TRIB3: variants seen among roughly 807,000 people sequenced by gnomAD.
TRIB3 encodes tribbles homolog 3.
In TRIB3, 20 loss-of-function variants were observed where a neutral mutation model predicts 16.6. That is an observed-to-expected ratio of 1.20 (90% CI 0.85 to 1.75). The LOEUF (loss-of-function observed/expected upper bound fraction) is 1.75, where lower values mean the gene tolerates loss of function less well. Ranked by LOEUF, TRIB3 falls within the 40% of genes most tolerant of loss-of-function variation. The pLI, the probability that TRIB3 is intolerant of heterozygous loss-of-function variation, is 0.00. For synonymous variants in TRIB3, 208 were observed against 217.0 expected (o/e 0.96, Z 0.36); for missense variants, 484 against 488.9 (o/e 0.99, Z 0.10).
At chr20:389,179 G>A (rs968383515) in intron 2 of TRIB3, among the ~76,000 whole-genome samples, 1 of 152,178 alleles carries the variant, frequency 6.6e-6, no homozygotes, top group African/African-American at 2.4e-5. Context: ...CACAACCAAT[G>A]AGGTGGTTTC....
intron 2 of TRIB3, 34 bp from the exon 3 acceptor site, chr20:391,253 C>A (rs1265073005): frequency 2.5e-6 from 4 of 1,594,322 alleles, no homozygotes; most frequent in Non-Finnish European, 3.4e-6. Context: ...TCCCGGGAGT[C>A]CCCAGCTGTG....
At position 380,828 on chromosome 20, in the gene TRIB3, G is replaced by T. The variant is rs2122645103; in HGVS notation, c.-342G>T. On this transcript the variant is annotated 5_prime_UTR_variant, in exon 1 of 4. Coordinates refer to ENST00000217233, the MANE Select transcript of TRIB3 (RefSeq NM_021158.5). ...GGATGCAGAGGAGAGAGGCCCGGGC[G>T]CGGCGCGGGGGATGGTGCGATCCCG... 1 of 152,660 alleles carries T rather than the reference G, an allele frequency of 6.6e-6. No individual in the cohort carries two copies. The highest frequency in any genetic ancestry group is 2.1e-4 in the South Asian group (1 of 4,826). The allele number at this position is 152,660 out of a possible 1,614,324, so 9.5% of individuals were successfully genotyped here.
At chr20:395,658 T>C (rs1345686075) in intron 3 of TRIB3, among the ~76,000 whole-genome samples, 1 of 152,128 alleles carries the variant, frequency 6.6e-6, no homozygotes, top group Non-Finnish European at 1.5e-5. Context: ...CCAGCCAGCG[T>C]TCCCATCCCA....
intron 2 of TRIB3, 55 bp from the exon 3 acceptor site, chr20:391,232 C>A (rs2014966545): frequency 1.9e-6 from 3 of 1,561,284 alleles, no homozygotes; most frequent in Admixed American, 3.5e-5. Flanking sequence ...GTTTGCAATG[C>A]CAGCCTCAGC....
chr20:391,824 C>T (rs919889423), intron 3 of TRIB3, among the ~76,000 whole-genome samples: 10 of 152,222 alleles, frequency 6.6e-5, no homozygotes, highest in African/African-American at 1.7e-4. Flanking sequence ...GAGTTCGAGA[C>T]CAGCCTGGCC....
At chr20:387,960 G>A in intron 1 of TRIB3, 51 bp from the exon 2 acceptor site, 1 of 1,575,818 alleles carries the variant, frequency 6.3e-7, no homozygotes, top group South Asian at 1.2e-5. Flanking sequence ...CAGGGGAAAG[G>A]AGGGGCCACC....
At chr20:382,776 G>T in intron 1 of TRIB3, 2 of 650,056 alleles carry the variant, frequency 3.1e-6, no homozygotes, top group East Asian at 5.5e-5. Flanking sequence ...GAAAGGGTTT[G>T]AGACAGGATT....
intron 2 of TRIB3, among the ~76,000 whole-genome samples, chr20:388,764 G>A (rs761362935): frequency 1.3e-5 from 2 of 152,146 alleles, no homozygotes; most frequent in Admixed American, 1.3e-4. Context: ...TGTTAACAAG[G>A]GGCCTCCACT....
At chr20:392,021 C>CA (rs573401145) in intron 3 of TRIB3, among the ~76,000 whole-genome samples, 2,090 of 113,868 alleles carry the variant, frequency 0.018, 33 homozygotes, top group African/African-American at 0.051. Context: ...GATTCCATCT[C>CA]AAAAAAAAAA....
In TRIB3 at chr20:396,651, G is replaced by A. The variant is rs1171875572; in HGVS notation, c.1038G>A (p.Arg346=). Residue 346 remains arginine, a synonymous_variant, in exon 4 of 4, where the codon AGG becomes AGA. Coordinates refer to ENST00000217233, the MANE Select transcript of TRIB3 (RefSeq NM_021158.5). The part of the protein sequence containing the change: ...VPDGLGLDEA[R]EEEGDREVVL... ...ATGGACTGGGGCTGGACGAAGCCAG[G>A]GAAGAGGAGGGAGACAGAGAAGTGG... 1 of 1,612,492 alleles carries A rather than the reference G, an allele frequency of 6.2e-7. No homozygotes were observed. The highest frequency in any genetic ancestry group is 8.5e-7 in the Non-Finnish European group (1 of 1,179,694).
chr20:393,837 G>T (rs994835960), intron 3 of TRIB3, among the ~76,000 whole-genome samples: 1 of 152,068 alleles, frequency 6.6e-6, no homozygotes, highest in African/African-American at 2.4e-5. Flanking sequence ...GACCTACCAG[G>T]TTTCTCTACT....
At chr20:395,663 A>G (rs916819575) in intron 3 of TRIB3, among the ~76,000 whole-genome samples, 3 of 152,116 alleles carry the variant, frequency 2.0e-5, no homozygotes, top group African/African-American at 7.2e-5. Context: ...CAGCGTTCCC[A>G]TCCCAGGCCC....
At chr20:391,131 T>C (rs2014963578) in intron 2 of TRIB3, among the ~76,000 whole-genome samples, 156 bp from the exon 3 acceptor site, 2 of 152,030 alleles carry the variant, frequency 1.3e-5, no homozygotes, top group African/African-American at 2.4e-5. Flanking sequence ...TCCTACCTTA[T>C]AGGACCATGG....
At chr20:395,136 G>A (rs1221183090) in intron 3 of TRIB3, among the ~76,000 whole-genome samples, 2 of 150,356 alleles carry the variant, frequency 1.3e-5, no homozygotes, top group Non-Finnish European at 2.9e-5. Flanking sequence ...GTTGTTTAAA[G>A]TAGAAATTGC....
chr20:382,044 C>CGGGGT (rs2014670142), intron 1 of TRIB3, among the ~76,000 whole-genome samples: 1 of 128,304 alleles, frequency 7.8e-6, no homozygotes. Context: ...GGGGGCGGGG[C>CGGGGT]GGGGTGGGGG....
intron 3 of TRIB3, 49 bp from the exon 4 acceptor site, chr20:396,149 T>TG (rs766930993): frequency 3.6e-5 from 57 of 1,564,476 alleles, no homozygotes; most frequent in Non-Finnish European, 4.9e-5. Context: ...GGTGGTGGCA[T>TG]GGGGGTTCTG....
rs142773577 is a variant in TRIB3, at chr20:391,170, C to T, written c.292-117C>T. ...GGGCTGAGTGACTCGGTCAGTGAAG[C>T]GCTTGGTGCGATGCCTAGCACATGG... On this transcript the variant is annotated intron_variant, in intron 2 of 3. Transcript: ENST00000217233. 720 of 1,153,658 alleles carry T rather than the reference C, an allele frequency of 6.2e-4. 6 individuals are homozygous for T. In the East Asian group the frequency reaches 0.013, roughly 21 times the overall value. The allele number at this position is 1,153,658 out of a possible 1,614,324, so 71.5% of individuals were successfully genotyped here.
rs565397224 is a variant in TRIB3 at position 392,301 on chromosome 20, G to A, written c.584+722G>A. On this transcript the variant is annotated intron_variant, in intron 3 of 3. Transcript: ENST00000217233. Reference sequence around the variant, plus strand: ...AACCTAGATCTGACTCCAGAGCCTGGGTCTTAATTCAATCTGAGCTTGAGA... The same window carrying A: ...AACCTAGATCTGACTCCAGAGCCTGAGTCTTAATTCAATCTGAGCTTGAGA... 2.6e-4 allele frequency among the ~76,000 whole-genome samples: 39 copies of A among 152,228 alleles called. No homozygotes were observed. In the South Asian group the frequency reaches 8.1e-3, roughly 32 times the overall value.
intron 1 of TRIB3, among the ~76,000 whole-genome samples, chr20:387,806 A>G (rs2014859378): frequency 6.6e-6 from 1 of 152,268 alleles, no homozygotes; most frequent in Non-Finnish European, 1.5e-5. Flanking sequence ...AGCCTTTACT[A>G]TATTTAATTT....
Sources: allele counts gnomAD v4.1 joint callset (sites outside exome capture counted in the v4.1 genomes callset), GRCh38; gene constraint gnomAD v4.1.1; transcripts MANE v1.5; gene names NCBI Gene and HGNC (gene_info 2026-07-23, HGNC 2026-07-21).